The following WNT9A variants were observed in gnomAD, a reference collection of about 807,000 sequenced individuals.
WNT9A encodes the protein Wnt family member 9A, also known as protein Wnt-9a.
A neutral mutation model predicts 31.4 loss-of-function variants in WNT9A; 8 were observed. That is an observed-to-expected ratio of 0.26 (90% CI 0.15 to 0.46). The LOEUF is 0.46. Among genes scored for constraint, WNT9A ranks in the 20% least tolerant of loss-of-function variants. The probability of loss-of-function intolerance (pLI) is 0.99; values close to 1 mark genes in which losing one functional copy is unlikely to be tolerated. For missense variants in WNT9A, 457 were observed against 522.9 expected (o/e 0.87, Z 1.23); for synonymous variants, 236 against 220.1 (o/e 1.07, Z -0.64).
rs781650246 is a variant in WNT9A at position 227,924,285 on chromosome 1, G to A, written c.468C>T (p.Asp156=). Residue 156 remains aspartate, a synonymous_variant, in exon 3 of 4, where the codon GAC becomes GAT. Coordinates refer to ENST00000272164, the MANE Select transcript of WNT9A (RefSeq NM_003395.4). ...ACTGCCAGGCCTCACGGTTCTCCAG[G>A]TCGGGTGCCTCATCGCAGGTACAGC... ...MERCTCDEAP[D]LENREAWQWG... is the part of the protein sequence containing the mutation. 3.7e-6 allele frequency: 6 copies of A among 1,613,748 alleles called. No individual in the cohort carries two copies. Among genetic ancestry groups the A allele is most frequent in the Non-Finnish European group, 4.2e-6 (5 of 1,179,996 alleles).
At chr1:227,929,708 C>T (rs1415458090) in intron 1 of WNT9A, among the ~76,000 whole-genome samples, 1 of 152,222 alleles carries the variant, frequency 6.6e-6, no homozygotes, top group East Asian at 1.9e-4. Flanking sequence ...GTGGTGCATG[C>T]CTGTGGTCCC....
chr1:227,939,712 G>T (rs966362775), intron 1 of WNT9A, among the ~76,000 whole-genome samples: 1 of 152,188 alleles, frequency 6.6e-6, no homozygotes, highest in Admixed American at 6.5e-5. Flanking sequence ...TCTCCCCCAG[G>T]CTGGGGCAGA....
chr1:227,922,774 G>A (rs1666345166), intron 3 of WNT9A, among the ~76,000 whole-genome samples: 1 of 152,214 alleles, frequency 6.6e-6, no homozygotes, highest in African/African-American at 2.4e-5. Flanking sequence ...CACCTGCAAA[G>A]ACAGGCCTGG....
rs185363943 is a variant in WNT9A at position 227,933,127 on chromosome 1, G to A, written c.96-7608C>T. 9.8e-5 allele frequency among the ~76,000 whole-genome samples: 15 copies of A among 152,320 alleles called. No individual in the cohort carries two copies. The East Asian group carries it at 1.5e-3, about 16-fold the overall frequency. On this transcript the variant is annotated intron_variant, in intron 1 of 3. Transcript: ENST00000272164. The stretch of plus-strand genomic sequence containing the variant: ...TTCAGTAGAAGGCTGTTTCATTTCC[G>A]CTGAAGATCTGTTGTTACTGTGGCC...
chr1:227,921,238 C>T lies in WNT9A; in HGVS notation c.*280G>A. The T allele has an allele frequency of 2.1e-6, 1 of 468,088 alleles. No individual in the cohort carries two copies. The allele number at this position is 468,088 out of a possible 1,614,324, so 29.0% of individuals were successfully genotyped here. On this transcript the variant is annotated 3_prime_UTR_variant, in exon 4 of 4. Coordinates refer to ENST00000272164, the MANE Select transcript of WNT9A (RefSeq NM_003395.4). ...CCATGTGCAGCAGGGCTGACTGGGC[C>T]CAGGGATTCAGCCTTGGCAGGTGTA...
At chr1:227,941,997 C>T (rs990376078) in intron 1 of WNT9A, among the ~76,000 whole-genome samples, 3 of 152,104 alleles carry the variant, frequency 2.0e-5, no homozygotes, top group African/African-American at 7.2e-5. Flanking sequence ...AGGAGGTATC[C>T]GTGCCTGTGT....
intron 1 of WNT9A, among the ~76,000 whole-genome samples, chr1:227,947,506 C>T (rs1666813786): frequency 6.6e-6 from 1 of 152,072 alleles, no homozygotes; most frequent in Non-Finnish European, 1.5e-5. Flanking sequence ...ATCCCAGTCC[C>T]TAAGCGCGAG....
At chr1:227,941,098 A>T (rs971389757) in intron 1 of WNT9A, among the ~76,000 whole-genome samples, 1 of 152,236 alleles carries the variant, frequency 6.6e-6, no homozygotes, top group South Asian at 2.1e-4. Context: ...GCAGCCTGGC[A>T]GCCAGGTCTG....
intron 1 of WNT9A, among the ~76,000 whole-genome samples, chr1:227,931,427 C>CT (rs1666508666): frequency 6.6e-6 from 1 of 152,168 alleles, no homozygotes; most frequent in Admixed American, 6.5e-5. Context: ...ATCTTCTTAA[C>CT]TGTTTGTTCT....
At chr1:227,935,478 C>G (rs1017033787) in intron 1 of WNT9A, among the ~76,000 whole-genome samples, 1 of 152,244 alleles carries the variant, frequency 6.6e-6, no homozygotes, top group Non-Finnish European at 1.5e-5. Flanking sequence ...CCTCCTTCTT[C>G]TCTCGAGATT....
rs919992018 is a variant in WNT9A, at chr1:227,927,276, C to A, written c.96-1757G>T. On this transcript the variant is annotated intron_variant, in intron 1 of 3. Coordinates refer to ENST00000272164, the MANE Select transcript of WNT9A (RefSeq NM_003395.4). ...GACACACACCCATGTGCCAGGCTGC[C>A]AGGGAGTGGGTAGAGGAGGAGCCCA... 7.2e-5 allele frequency among the ~76,000 whole-genome samples: 11 copies of A among 152,256 alleles called. No individual in the cohort carries two copies. In the South Asian group the frequency reaches 8.3e-4, roughly 11 times the overall value.
rs1161861523 is a variant in WNT9A, at chr1:227,920,721, A to G, written c.*797T>C. On this transcript the variant is annotated 3_prime_UTR_variant, in exon 4 of 4. Coordinates refer to ENST00000272164, the MANE Select transcript of WNT9A (RefSeq NM_003395.4). The stretch of plus-strand genomic sequence containing the variant: ...GGTGCACCTGCCACCCATGCCTCAG[A>G]GGAGGTGGGGAGGGAAAGCCAATGG... 2 of 152,118 alleles carry G rather than the reference A, an allele frequency of 1.3e-5. No individual in the cohort carries two copies. The highest frequency in any genetic ancestry group is 2.4e-5 in the African/African-American group (1 of 41,392). The allele number at this position is 152,118 out of a possible 1,614,324, so 9.4% of individuals were successfully genotyped here.
chr1:227,925,221 C>G lies in WNT9A; in HGVS notation c.352+42G>C, dbSNP rs776126528. The G allele has an allele frequency of 6.7e-7, 1 of 1,487,430 alleles. No homozygotes were observed. Among genetic ancestry groups the G allele is most frequent in the East Asian group, 2.4e-5 (1 of 40,834 alleles). The allele number at this position is 1,487,430 out of a possible 1,614,324, so 92.1% of individuals were successfully genotyped here. A position where few individuals can be genotyped will look rare whatever the true frequency, so the allele number is the denominator to read the frequency against. ...GATATGGACAAGGCCTGGGCTGCCA[C>G]CTGTCTGGGGCCTTCCTGAGGGCCA... On this transcript the variant is annotated intron_variant, in intron 2 of 3. Coordinates refer to ENST00000272164, the MANE Select transcript of WNT9A (RefSeq NM_003395.4). The surrounding 1 kb of genome is among the most constrained non-coding windows in gnomAD (Gnocchi z 6.0).
chr1:227,945,554 T>C (rs570219109), intron 1 of WNT9A, among the ~76,000 whole-genome samples: 7 of 152,274 alleles, frequency 4.6e-5, no homozygotes, highest in Non-Finnish European at 1.0e-4. Context: ...GGGCTGTAAC[T>C]GGAGCCGTGT....
intron 1 of WNT9A, among the ~76,000 whole-genome samples, chr1:227,947,125 G>A (rs1296682808): frequency 6.6e-6 from 1 of 152,192 alleles, no homozygotes; most frequent in African/African-American, 2.4e-5. Flanking sequence ...CCGACAGCCC[G>A]GCAAAGCGCT....
At chr1:227,940,746 C>T (rs1434046943) in intron 1 of WNT9A, among the ~76,000 whole-genome samples, 1 of 152,246 alleles carries the variant, frequency 6.6e-6, no homozygotes, top group African/African-American at 2.4e-5. Context: ...TCCCATCCGG[C>T]CACTGGTCCT....
At chr1:227,939,778 C>G (rs1666661765) in intron 1 of WNT9A, among the ~76,000 whole-genome samples, 2 of 152,176 alleles carry the variant, frequency 1.3e-5, no homozygotes, top group Admixed American at 1.3e-4. Context: ...AAACCTCAGT[C>G]CTGCCAGACA....
At chr1:227,941,810 G>T (rs955237074) in intron 1 of WNT9A, 2 of 152,248 alleles carry the variant, frequency 1.3e-5, no homozygotes, top group Admixed American at 1.3e-4. Flanking sequence ...GAGCCACCCT[G>T]GTCCCAGACA....
At chr1:227,929,492 A>T (rs1666472912) in intron 1 of WNT9A, among the ~76,000 whole-genome samples, 2 of 152,302 alleles carry the variant, frequency 1.3e-5, no homozygotes, top group South Asian at 4.1e-4. Context: ...TAGCATTAGG[A>T]GGTGGGGCCT....
Sources: gnomAD v4.1 joint callset for allele counts (sites outside exome capture counted in the v4.1 genomes callset) on GRCh38, gnomAD v4.1.1 for gene constraint, Gnocchi (gnomAD v3.1) non-coding constraint, MANE v1.5 for transcripts, NCBI Gene and HGNC (gene_info 2026-07-23, HGNC 2026-07-21) for gene names.